MMRN1: variants seen among roughly 807,000 people sequenced by gnomAD.
The protein encoded by MMRN1 is multimerin-1.
A neutral mutation model predicts 100.7 loss-of-function variants in MMRN1; 94 were observed. That is an observed-to-expected ratio of 0.93 (90% CI 0.79 to 1.11). MMRN1 has a LOEUF of 1.11. MMRN1 is among the 50% of genes least tolerant of loss of function. The pLI is 0.00. For synonymous variants in MMRN1, 575 were observed against 505.0 expected (o/e 1.14, Z -1.86); for missense variants, 1,606 against 1,439.1 (o/e 1.12, Z -1.88).
At chr4:89,893,816 G>A (rs553016243), upstream of MMRN1, among the ~76,000 whole-genome samples, 34 of 152,046 alleles carry the variant, frequency 2.2e-4, no homozygotes, top group Non-Finnish European at 4.7e-4. Flanking sequence ...ATGAATGAAT[G>A]AACTATTATA....
At chr4:89,899,795 A>C (rs183037692) in intron 1 of MMRN1, among the ~76,000 whole-genome samples, 58 of 151,868 alleles carry the variant, frequency 3.8e-4, no homozygotes, top group African/African-American at 1.4e-3. Flanking sequence ...GTCTTGTTAC[A>C]CCTCTAATAC....
intron 4 of MMRN1, among the ~76,000 whole-genome samples, chr4:89,925,605 G>A (rs921007053): frequency 6.6e-6 from 1 of 151,866 alleles, no homozygotes; most frequent in Non-Finnish European, 1.5e-5. Flanking sequence ...GCCAAGGCGG[G>A]TGGATCACGA....
At position 89,935,232 on chromosome 4, in the gene MMRN1, G is replaced by C. The variant is rs146236543; in HGVS notation, c.1552G>C (p.Glu518Gln). The part of the protein sequence containing the change: ...KTLSKLKEVH[E>Q]QLLSTEQVSD... The stretch of plus-strand genomic sequence containing the variant: ...TCTTTCTAAATTGAAGGAAGTACAT[G>C]AGCAGCTTTTATCAACTGAACAGGT... Residue 518 changes from glutamate (E) to glutamine (Q), a missense_variant, in exon 6 of 8, where the codon GAG becomes CAG. Transcript: ENST00000264790. 3 of 1,613,604 alleles carry C rather than the reference G, an allele frequency of 1.9e-6. No homozygotes were observed. The East Asian group carries it at 6.7e-5, about 36-fold the overall frequency.
intron 1 of MMRN1, among the ~76,000 whole-genome samples, chr4:89,905,215 A>G (rs1195632002): frequency 6.6e-6 from 1 of 151,608 alleles, no homozygotes; most frequent in East Asian, 1.9e-4. Flanking sequence ...AATGATGTAC[A>G]ACACTATTAT....
rs369046905 is a variant in MMRN1, at chr4:89,935,314, A to G, written c.1634A>G (p.Tyr545Cys). 6.2e-7 allele frequency: 1 copy of G among 1,613,650 alleles called. No individual in the cohort carries two copies. The highest frequency in any genetic ancestry group is 8.5e-7 in the Non-Finnish European group (1 of 1,179,802). ...AESVSNNVTE[Y>C]MSTLHENIKK... is the part of the protein sequence containing the mutation. Reference sequence around the variant, plus strand: ...TCAGTTAGCAATAATGTCACTGAGTACATGTCTACTTTACATGAAAATATA... The same window carrying G: ...TCAGTTAGCAATAATGTCACTGAGTGCATGTCTACTTTACATGAAAATATA... Residue 545 changes from tyrosine (Y) to cysteine (C), a missense_variant, in exon 6 of 8, where the codon TAC becomes TGC. Coordinates refer to ENST00000264790, the MANE Select transcript of MMRN1 (RefSeq NM_007351.3).
rs1176427401 is a variant in MMRN1 at position 89,925,302 on chromosome 4, A to ATTTTTTTTT, written c.955+2048_955+2056dup. On this transcript the variant is annotated intron_variant, in intron 4 of 7. Transcript: ENST00000264790. ...AGGCACGTCCCACCATGCCTGGTTA[A>ATTTTTTTTT]TTTTTTTTTTTTTTTTTTTTTTTTT... 3.1e-4 allele frequency among the ~76,000 whole-genome samples: 32 copies of ATTTTTTTTT among 101,966 alleles called. 1 individual carries two copies. Among genetic ancestry groups the ATTTTTTTTT allele is most frequent in the African/African-American group, 1.2e-3 (27 of 23,012 alleles). 66.9% of individuals were successfully genotyped at this position (101,966 alleles called of 152,430 possible).
chr4:89,897,841 T>C (rs1052595926), intron 1 of MMRN1, among the ~76,000 whole-genome samples: 3 of 152,086 alleles, frequency 2.0e-5, no homozygotes, highest in Admixed American at 2.0e-4. Context: ...AAGTAAACAC[T>C]AACATACCTA....
chr4:89,884,961 A>G (rs1720905087), intron 1 of MMRN1, among the ~76,000 whole-genome samples: 1 of 152,150 alleles, frequency 6.6e-6, no homozygotes, highest in African/African-American at 2.4e-5. Context: ...TATTGGGGAA[A>G]AAGCATTCAA....
intron 5 of MMRN1, among the ~76,000 whole-genome samples, chr4:89,933,782 C>A (rs887007434): frequency 6.6e-6 from 1 of 152,080 alleles, no homozygotes; most frequent in Non-Finnish European, 1.5e-5. Context: ...TGGGAGGTAC[C>A]ATTCAAGATG....
chr4:89,939,037 AT>A (rs1254017489), intron 6 of MMRN1, among the ~76,000 whole-genome samples: 2 of 152,136 alleles, frequency 1.3e-5, no homozygotes, highest in Non-Finnish European at 2.9e-5. Flanking sequence ...GATGTCAATC[AT>A]TGGGCAGCTC....
chr4:89,936,946 T>C (rs1253944761), intron 6 of MMRN1, 148 bp downstream of exon 6: 2 of 671,744 alleles, frequency 3.0e-6, no homozygotes, highest in Non-Finnish European at 4.7e-6. Flanking sequence ...ACTGACATTA[T>C]TTAAATCTGA....
chr4:89,881,919 A>G (rs1012056358), intron 1 of MMRN1, among the ~76,000 whole-genome samples: 2 of 151,966 alleles, frequency 1.3e-5, no homozygotes, highest in South Asian at 4.1e-4. Flanking sequence ...GCTATTTTGT[A>G]TTTTCACTTT....
chr4:89,949,775 A>G lies in MMRN1; in HGVS notation c.3119-1830A>G, dbSNP rs1723103178. Among the ~76,000 whole-genome samples the G allele has an allele frequency of 2.6e-5, 4 of 152,244 alleles. No homozygotes were observed. The South Asian group carries it at 8.3e-4, about 31-fold the overall frequency. ...TATTAATATATTTGCTTTGCAAAAA[A>G]TTTTAATAATACAGGCATGCCGTTT... On this transcript the variant is annotated intron_variant, in intron 6 of 7. Coordinates refer to ENST00000264790, the MANE Select transcript of MMRN1 (RefSeq NM_007351.3).
At chr4:89,926,734 T>A (rs1722276659) in intron 4 of MMRN1, among the ~76,000 whole-genome samples, 1 of 152,302 alleles carries the variant, frequency 6.6e-6, no homozygotes, top group African/African-American at 2.4e-5. Flanking sequence ...CTTTCTCCAA[T>A]GTTTTCTTAT....
chr4:89,891,398 G>T (rs958609482), upstream of MMRN1, among the ~76,000 whole-genome samples: 1 of 151,838 alleles, frequency 6.6e-6, no homozygotes, highest in South Asian at 2.1e-4. Context: ...AATATTTACC[G>T]AATACCTATT....
chr4:89,899,843 C>A (rs1230217031), intron 1 of MMRN1, among the ~76,000 whole-genome samples: 1 of 152,032 alleles, frequency 6.6e-6, no homozygotes, highest in South Asian at 2.1e-4. Flanking sequence ...CTTCTACTTG[C>A]CGTTATTCAC....
intron 6 of MMRN1, among the ~76,000 whole-genome samples, chr4:89,942,518 T>C (rs2110645369): frequency 6.6e-6 from 1 of 152,304 alleles, no homozygotes; most frequent in East Asian, 1.9e-4. Flanking sequence ...ACTAACTGCA[T>C]ATGAAGTCTG....
At chr4:89,952,637 A>G (rs2110660546) in intron 7 of MMRN1, among the ~76,000 whole-genome samples, 1 of 152,338 alleles carries the variant, frequency 6.6e-6, no homozygotes, top group Admixed American at 6.5e-5. Flanking sequence ...AGGGGCTTTA[A>G]AACATTCTGA....
rs1460155506 is a variant in MMRN1, at chr4:89,935,716, A to G, written c.2036A>G (p.Glu679Gly). The G allele has an allele frequency of 1.9e-6, 3 of 1,611,798 alleles. No individual in the cohort carries two copies. Among genetic ancestry groups the G allele is most frequent in the Non-Finnish European group, 1.7e-6 (2 of 1,179,400 alleles). ...KEAIVIRKKI[E>G]NLTSAVNSLN... The stretch of plus-strand genomic sequence containing the variant: ...GCAATAGTGATAAGGAAAAAGATAG[A>G]AAATCTGACTAGTGCTGTCAATAGT... Residue 679 changes from glutamate to glycine, a missense_variant, in exon 6 of 8, where the codon GAA becomes GGA. Glu to Gly is a moderately conservative substitution (Grantham distance 98, BLOSUM62 -2). Coordinates refer to ENST00000264790, the MANE Select transcript of MMRN1 (RefSeq NM_007351.3).
Sources: gnomAD v4.1 joint callset for allele counts (sites outside exome capture counted in the v4.1 genomes callset) on GRCh38, gnomAD v4.1.1 for gene constraint, MANE v1.5 for transcripts, NCBI Gene and HGNC (gene_info 2026-07-23, HGNC 2026-07-21) for gene names.